Variants in HNRNPA3 observed in about 807,000 individuals in gnomAD.
HNRNPA3 encodes the protein heterogeneous nuclear ribonucleoprotein A3.
In HNRNPA3, 3 loss-of-function variants were observed where a neutral mutation model predicts 45.8. That is an observed-to-expected ratio of 0.07 (90% CI 0.03 to 0.17). The LOEUF (loss-of-function observed/expected upper bound fraction) is 0.17, where lower values mean the gene tolerates loss of function less well. HNRNPA3 is among the 10% of genes least tolerant of loss of function. The pLI is 1.00. For missense variants in HNRNPA3, 183 were observed against 480.3 expected (o/e 0.38, Z 5.79); for synonymous variants, 170 against 155.6 (o/e 1.09, Z -0.69).
intron 1 of HNRNPA3, among the ~76,000 whole-genome samples, 191 bp downstream of exon 1, chr2:177,213,062 G>C (rs1042120209): frequency 2.2e-4 from 34 of 152,190 alleles, no homozygotes; most frequent in Non-Finnish European, 4.4e-4. Context: ...CTTCACCTTC[G>C]GCTGCACAGG....
At chr2:177,223,798 T>C (rs1362273580), downstream of HNRNPA3, 1 of 152,244 alleles carries the variant, frequency 6.6e-6, no homozygotes, top group African/African-American at 2.4e-5. Context: ...GTTTCATTTG[T>C]AGTATAATGA....
intron 8 of HNRNPA3, among the ~76,000 whole-genome samples, chr2:177,218,580 G>C (rs1303455673): frequency 6.6e-6 from 1 of 152,182 alleles, no homozygotes; most frequent in Non-Finnish European, 1.5e-5. Flanking sequence ...AAAGTACTTT[G>C]GGTCTTAATA....
chr2:177,220,866 G>C (rs1285576868), downstream of HNRNPA3: 3 of 152,586 alleles, frequency 2.0e-5, no homozygotes, highest in Non-Finnish European at 2.9e-5. Context: ...TTTTGCTCCA[G>C]CTAGTGCTTA....
chr2:177,217,499 A>ACATG (rs1688994877), intron 7 of HNRNPA3, among the ~76,000 whole-genome samples: 1 of 152,216 alleles, frequency 6.6e-6, no homozygotes, highest in Non-Finnish European at 1.5e-5. Context: ...ACATGGTGGC[A>ACATG]CATGCCCATA....
intron 7 of HNRNPA3, among the ~76,000 whole-genome samples, chr2:177,217,277 G>C (rs547157754): frequency 1.0e-3 from 153 of 151,914 alleles, no homozygotes; most frequent in Non-Finnish European, 1.8e-3. Context: ...GCAGATACTT[G>C]ATACTCTATT....
chr2:177,216,118 G>A, exon 4 of HNRNPA3: 3 of 1,568,522 alleles, frequency 1.9e-6, no homozygotes, highest in Non-Finnish European at 2.6e-6. Flanking sequence ...TGGAAGACAG[G>A]CAGAGTGGAA....
At chr2:177,215,696 G>A in intron 2 of HNRNPA3, 35 bp downstream of exon 2, 1 of 1,613,042 alleles carries the variant, frequency 6.2e-7, no homozygotes, top group Non-Finnish European at 8.5e-7. Flanking sequence ...GTTCTAAGGG[G>A]TGTAGAGAAC....
At position 177,219,200 on chromosome 2, in the gene HNRNPA3, T is replaced by C. The variant is rs749546757; in HGVS notation, c.1084+41T>C. On this transcript the variant is annotated intron_variant, in intron 9 of 10. Coordinates refer to ENST00000392524, the Ensembl canonical transcript of HNRNPA3. ...AATCAATTCTTTAGAGCCTTTTTAA[T>C]TTAAAAAATGTGCATACTTCTTTTA... 12 of 1,610,050 alleles carry C rather than the reference T, an allele frequency of 7.5e-6. No homozygotes were observed. The Middle Eastern group carries it at 1.2e-3, about 156-fold the overall frequency.
chr2:177,215,719 T>C, intron 2 of HNRNPA3, 31 bp from the exon 3 acceptor site: 1 of 1,568,310 alleles, frequency 6.4e-7, no homozygotes, highest in Middle Eastern at 1.7e-4. Flanking sequence ...GTGGAGGTGT[T>C]TTCAACGTTA....
chr2:177,219,174 AAATC>A lies in HNRNPA3; in HGVS notation c.1084+19_1084+22del. 1.2e-6 allele frequency: 2 copies of A among 1,611,884 alleles called. No homozygotes were observed. The highest frequency in any genetic ancestry group is 1.7e-6 in the Non-Finnish European group (2 of 1,179,354). ...TCCCTATGGTGGTAAGTACTTTCTT[AAATC>A]AATTCTTTAGAGCCTTTTTAATTTA... On this transcript the variant is annotated intron_variant, in intron 9 of 10. Coordinates refer to ENST00000392524, the Ensembl canonical transcript of HNRNPA3.
chr2:177,215,104 T>C (rs1210172311), intron 1 of HNRNPA3, among the ~76,000 whole-genome samples: 1 of 151,418 alleles, frequency 6.6e-6, no homozygotes, highest in Admixed American at 6.6e-5. Flanking sequence ...AAAGTTTTTG[T>C]TGTTTTGTTT....
intron 1 of HNRNPA3, among the ~76,000 whole-genome samples, chr2:177,214,817 T>A (rs969891503): frequency 2.6e-5 from 4 of 152,026 alleles, no homozygotes; most frequent in Non-Finnish European, 4.4e-5. Flanking sequence ...AACAAAAAAA[T>A]TAAATGCATG....
At chr2:177,223,254 A>G (rs756906048), downstream of HNRNPA3, 3 of 152,240 alleles carry the variant, frequency 2.0e-5, no homozygotes, top group Admixed American at 6.5e-5. Context: ...CCTTCACAAC[A>G]TGGTTTTAGT....
chr2:177,219,166 A>C lies in HNRNPA3; in HGVS notation c.1084+7A>C. ...TCGGGCAGTCCCTATGGTGGTAAGT[A>C]CTTTCTTAAATCAATTCTTTAGAGC... On this transcript the variant is annotated splice_region_variant and intron_variant, in intron 9 of 10. Transcript: ENST00000392524. 6.2e-7 allele frequency: 1 copy of C among 1,612,718 alleles called. No individual in the cohort carries two copies. Among genetic ancestry groups the C allele is most frequent in the Non-Finnish European group, 8.5e-7 (1 of 1,179,608 alleles).
At chr2:177,212,920 G>A (rs1057344730) in intron 1 of HNRNPA3, 49 bp downstream of exon 1, 3 of 1,221,170 alleles carry the variant, frequency 2.5e-6, no homozygotes, top group African/African-American at 1.6e-5. Context: ...GGCGTTGGGG[G>A]CCTGGTTCGG....
At chr2:177,216,625 T>C in intron 5 of HNRNPA3, 33 bp downstream of exon 5, 1 of 1,611,646 alleles carries the variant, frequency 6.2e-7, no homozygotes, top group Non-Finnish European at 8.5e-7. Flanking sequence ...ATACAGTGGA[T>C]ATGAGTGGTG....
chr2:177,216,393 AC>A, intron 4 of HNRNPA3, 109 bp from the exon 5 acceptor site: 1 of 794,592 alleles, frequency 1.3e-6, no homozygotes, highest in South Asian at 1.7e-5. Flanking sequence ...TACCAGAGTC[AC>A]TACCTGATTA....
downstream of HNRNPA3, chr2:177,222,167 C>T (rs1689206897): frequency 6.6e-6 from 1 of 152,634 alleles, no homozygotes; most frequent in African/African-American, 2.4e-5. Flanking sequence ...AACCTGATGA[C>T]ACCATTTGTT....
At chr2:177,218,500 C>T (rs1056102701) in intron 8 of HNRNPA3, among the ~76,000 whole-genome samples, 9 of 152,108 alleles carry the variant, frequency 5.9e-5, no homozygotes, top group African/African-American at 1.7e-4. Context: ...ACTGGACAAC[C>T]GGGAATAAAT....
Sources: gnomAD v4.1 joint callset for allele counts (sites outside exome capture counted in the v4.1 genomes callset) on GRCh38, gnomAD v4.1.1 for gene constraint, MANE v1.5 for transcripts, NCBI Gene and HGNC (gene_info 2026-07-23, HGNC 2026-07-21) for gene names.